The following KLHDC4 variants were observed in gnomAD, a reference collection of about 807,000 sequenced individuals.
KLHDC4 encodes kelch domain-containing protein 4.
A neutral mutation model predicts 62.4 loss-of-function variants in KLHDC4; 90 were observed. The ratio of observed to expected loss-of-function variants is 1.44; its 90% CI spans 1.22 to 1.72. The LOEUF is 1.72. Ranked by LOEUF, KLHDC4 falls within the 40% of genes most tolerant of loss-of-function variation. KLHDC4 has a pLI of 0.00. For missense variants in KLHDC4, 1,025 were observed against 699.7 expected (o/e 1.47, Z -5.25); for synonymous variants, 386 against 284.4 (o/e 1.36, Z -3.59).
chr16:87,752,547 G>A (rs1290759404), intron 4 of KLHDC4, among the ~76,000 whole-genome samples: 1 of 152,004 alleles, frequency 6.6e-6, no homozygotes, highest in Non-Finnish European at 1.5e-5. Context: ...ATGTTGGCCA[G>A]GATGGTCTCG....
chr16:87,765,180 A>G (rs1172865677), intron 1 of KLHDC4: 4 of 455,976 alleles, frequency 8.8e-6, no homozygotes, highest in African/African-American at 8.0e-5. Flanking sequence ...CCCCAAGGTC[A>G]GGACGGATCC....
intron 4 of KLHDC4, among the ~76,000 whole-genome samples, chr16:87,754,942 AG>A (rs2044628235): frequency 6.6e-6 from 1 of 152,192 alleles, no homozygotes; most frequent in African/African-American, 2.4e-5. Flanking sequence ...GCGACACACC[AG>A]GAACGACACG....
Position 87,756,534 on chromosome 16 carries a change from C to T in KLHDC4, c.192-57G>A, listed in dbSNP as rs2044947692. 4.8e-6 allele frequency: 6 copies of T among 1,247,446 alleles called. No homozygotes were observed. The Admixed American group carries it at 5.2e-5, about 11-fold the overall frequency. The allele number at this position is 1,247,446 out of a possible 1,614,324, so 77.3% of individuals were successfully genotyped here. A position where few individuals can be genotyped will look rare whatever the true frequency, so the allele number is the denominator to read the frequency against. On this transcript the variant is annotated intron_variant, in intron 2 of 11. Transcript: ENST00000270583. ...ATCACCCCCGATACCCACCTGAGCG[C>T]TGTCCCCTTCCTCACAGAATCCTCT...
chr16:87,751,172 T>C (rs111556372), intron 4 of KLHDC4, among the ~76,000 whole-genome samples: 1 of 152,304 alleles, frequency 6.6e-6, no homozygotes, highest in African/African-American at 2.4e-5. Flanking sequence ...TAGCGTGAAA[T>C]AGATGCATAG....
chr16:87,719,105 C>A (rs1271961292), intron 7 of KLHDC4, among the ~76,000 whole-genome samples: 1 of 151,842 alleles, frequency 6.6e-6, no homozygotes, highest in Non-Finnish European at 1.5e-5. Context: ...TGGTGGATGC[C>A]TCTGCCCGGC....
At chr16:87,754,491 T>TGTTGTG (rs1253788437) in intron 4 of KLHDC4, among the ~76,000 whole-genome samples, 5 of 152,240 alleles carry the variant, frequency 3.3e-5, no homozygotes, top group Admixed American at 6.5e-5. Context: ...GCAGGTGAGT[T>TGTTGTG]CTAAGCACAC....
At chr16:87,753,324 C>G (rs1597359425) in intron 4 of KLHDC4, among the ~76,000 whole-genome samples, 1 of 152,306 alleles carries the variant, frequency 6.6e-6, no homozygotes, top group Admixed American at 6.5e-5. Flanking sequence ...TGGAAACAGG[C>G]AAGTTCCAAC....
Position 87,761,975 on chromosome 16 carries a change from T to C in KLHDC4, c.165A>G (p.Glu55=), listed in dbSNP as rs762418140. 6.2e-7 allele frequency: 1 copy of C among 1,613,862 alleles called. No homozygotes were observed. Among genetic ancestry groups the C allele is most frequent in the Non-Finnish European group, 8.5e-7 (1 of 1,179,926 alleles). The change falls in exon 2 of 12, where the codon GAA becomes GAG. Residue 55 remains glutamate (E), a synonymous_variant. Coordinates refer to ENST00000270583, the MANE Select transcript of KLHDC4 (RefSeq NM_017566.4). ...TTGGTGAGGGTGGGGGGCACGGAAG[T>C]TCCACAGTCTGAGTCCTCTTGGCAT... ...TLDAKRTQTV[E]LPCPPPSPRL...
rs767617839 is a variant in KLHDC4 at position 87,702,082 on chromosome 16, C to T, written c.433G>A (p.Gly145Arg). 12 of 456,346 alleles carry T rather than the reference C, an allele frequency of 2.6e-5. 1 individual carries two copies. Among genetic ancestry groups the T allele is most frequent in the South Asian group, 1.9e-4 (12 of 64,570 alleles). The allele number at this position is 456,346 out of a possible 1,614,324, so 28.3% of individuals were successfully genotyped here. A position where few individuals can be genotyped will look rare whatever the true frequency, so the allele number is the denominator to read the frequency against. Residue 145 changes from glycine to arginine, a missense_variant, in exon 1 of 1, where the codon GGG becomes AGG. Transcript: ENST00000446344. ...AGGCTGCTGTGAGAACTTGTGACCC[C>T]CGAGATCAGAACAGCCTTCGGGTCC...
chr16:87,737,829 G>A (rs899063272), intron 5 of KLHDC4, among the ~76,000 whole-genome samples: 1 of 152,048 alleles, frequency 6.6e-6, no homozygotes, highest in Admixed American at 6.6e-5. Flanking sequence ...GACCTCAGGT[G>A]ATCCGCCTGC....
chr16:87,728,917 G>C lies in KLHDC4; in HGVS notation c.599+1635C>G, dbSNP rs193064134. On this transcript the variant is annotated intron_variant, in intron 6 of 11. Transcript: ENST00000270583. ...AGCCTCCCGAGTGCCTGGGATTAAA[G>C]GTGTGCACCACCACACCTGGCTAAT... Among the ~76,000 whole-genome samples the C allele has an allele frequency of 4.8e-3, 734 of 152,216 alleles. 3 individuals carry two copies. Among genetic ancestry groups the C allele is most frequent in the African/African-American group, 0.017 (690 of 41,530 alleles).
At chr16:87,725,825 G>T (rs929972324) in intron 7 of KLHDC4, among the ~76,000 whole-genome samples, 9 of 152,154 alleles carry the variant, frequency 5.9e-5, no homozygotes, top group African/African-American at 2.2e-4. Flanking sequence ...CGGGGTGGGC[G>T]CGAGAACATT....
intron 5 of KLHDC4, among the ~76,000 whole-genome samples, chr16:87,740,160 C>A (rs895545966): frequency 6.6e-6 from 1 of 152,218 alleles, no homozygotes; most frequent in Non-Finnish European, 1.5e-5. Flanking sequence ...TGGAGAAACG[C>A]TGGCTGTGAT....
At chr16:87,742,807 C>A (rs1030278189) in intron 5 of KLHDC4, among the ~76,000 whole-genome samples, 5 of 152,216 alleles carry the variant, frequency 3.3e-5, no homozygotes, top group South Asian at 4.1e-4. Flanking sequence ...GAAAACCCCC[C>A]ACTGTTCTCT....
intron 5 of KLHDC4, among the ~76,000 whole-genome samples, chr16:87,734,987 CGAATTGCCTGACGCCCCTCCCCCTCCTG>C (rs2041048113): frequency 7.3e-6 from 1 of 136,558 alleles, no homozygotes; most frequent in African/African-American, 2.8e-5. Context: ...CCCCTCCTGA[CGAATTGCCTGACGCCCCTCCCCCTCCTG>C]ACGAATTGCC....
At chr16:87,702,661 T>C (rs1222441706), upstream of KLHDC4, 2 of 216,344 alleles carry the variant, frequency 9.2e-6, no homozygotes, top group Admixed American at 5.2e-5. Flanking sequence ...GGGGCCTCTC[T>C]GCTCAGGGGA....
At chr16:87,755,095 C>T (rs2044652353) in intron 4 of KLHDC4, 99 bp downstream of exon 4, 1 of 777,364 alleles carries the variant, frequency 1.3e-6, no homozygotes, top group Non-Finnish European at 2.2e-6. Context: ...GGGCCCAGCC[C>T]CTCCGCACCA....
Position 87,709,622 on chromosome 16 carries a change from C to G in KLHDC4, c.1090G>C (p.Glu364Gln). 1 of 1,609,250 alleles carries G rather than the reference C, an allele frequency of 6.2e-7. No individual in the cohort carries two copies. The highest frequency in any genetic ancestry group is 8.5e-7 in the Non-Finnish European group (1 of 1,177,896). ...KKKRRRGRKEEPEGGSRPACG... is the reference protein window; with the variant it reads ...KKKRRRGRKEQPEGGSRPACG... ...GCCGGCCTGCTACCACCTTCGGGCT[C>G]CTCTTTTCTGCCCCGCCTGCGTTTC... is the stretch of plus-strand genomic sequence containing the variant. Residue 364 changes from glutamate (E) to glutamine (Q), a missense_variant, in exon 10 of 12, where the codon GAG (glutamate) becomes CAG (glutamine). Glu to Gln is a conservative substitution (Grantham distance 29). Transcript: ENST00000270583.
downstream of KLHDC4, among the ~76,000 whole-genome samples, chr16:87,705,188 C>T (rs1175792973): frequency 6.6e-6 from 1 of 152,210 alleles, no homozygotes; most frequent in Non-Finnish European, 1.5e-5. Flanking sequence ...CGCGCCGCGC[C>T]AGCAGCTCCC....
Sources: gnomAD v4.1 joint callset for allele counts (sites outside exome capture counted in the v4.1 genomes callset) on GRCh38, gnomAD v4.1.1 for gene constraint, MANE v1.5 for transcripts, NCBI Gene and HGNC (gene_info 2026-07-23, HGNC 2026-07-21) for gene names.